PIK3C2G: variants seen among roughly 807,000 people sequenced by gnomAD.
PIK3C2G encodes the protein phosphatidylinositol 3-kinase C2 domain-containing subunit gamma.
PIK3C2G carries 168 observed loss-of-function variants against 181.1 expected under a neutral mutation model. The ratio of observed to expected loss-of-function variants is 0.93; its 90% CI spans 0.82 to 1.05. The LOEUF (loss-of-function observed/expected upper bound fraction) is 1.05. PIK3C2G is among the 50% of genes least tolerant of loss of function. The pLI, the probability that PIK3C2G is intolerant of heterozygous loss-of-function variation, is 0.00. For synonymous variants in PIK3C2G, 573 were observed against 592.2 expected (o/e 0.97, Z 0.47); for missense variants, 1,869 against 1,732.8 (o/e 1.08, Z -1.40).
chr12:18,271,166 C>T (rs1948731428), intron 1 of PIK3C2G, among the ~76,000 whole-genome samples: 1 of 152,080 alleles, frequency 6.6e-6, no homozygotes, highest in South Asian at 2.1e-4. Context: ...CTTTTCAACA[C>T]AGCATAAAAT....
intron 26 of PIK3C2G, among the ~76,000 whole-genome samples, chr12:18,551,728 C>T (rs988252119): frequency 2.0e-5 from 3 of 152,066 alleles, no homozygotes. Context: ...ATTAAAGGCT[C>T]TACATGGAGT....
chr12:18,342,650 G>A (rs1468885455), intron 9 of PIK3C2G, among the ~76,000 whole-genome samples: 1 of 151,714 alleles, frequency 6.6e-6, no homozygotes, highest in African/African-American at 2.4e-5. Context: ...TGATAGTTTA[G>A]TTACAACCAG....
the PIK3C2G span, among the ~76,000 whole-genome samples, chr12:18,716,443 T>TA: frequency 6.6e-6 from 1 of 152,202 alleles, no homozygotes; most frequent in African/African-American, 2.4e-5. Flanking sequence ...GCCAACCACT[T>TA]ACATGTGGAG....
chr12:18,362,493 AG>A (rs2137803088), intron 11 of PIK3C2G, among the ~76,000 whole-genome samples: 1 of 152,310 alleles, frequency 6.6e-6, no homozygotes, highest in East Asian at 1.9e-4. Flanking sequence ...CCTGGGATAC[AG>A]GAGCCTCTTA....
intron 30 of PIK3C2G, among the ~76,000 whole-genome samples, chr12:18,599,431 A>G (rs910941708): frequency 6.6e-6 from 1 of 150,762 alleles, no homozygotes; most frequent in Admixed American, 6.7e-5. Flanking sequence ...TCTCACTCAT[A>G]GGTGGGAATT....
chr12:18,706,341 ATATTTT>A, the PIK3C2G span, among the ~76,000 whole-genome samples: 1 of 152,218 alleles, frequency 6.6e-6, no homozygotes, highest in African/African-American at 2.4e-5. Context: ...GTAGCATGCT[ATATTTT>A]TATTGTTAAT....
At chr12:18,373,737 C>G (rs1293631798) in intron 13 of PIK3C2G, among the ~76,000 whole-genome samples, 1 of 151,994 alleles carries the variant, frequency 6.6e-6, no homozygotes, top group Non-Finnish European at 1.5e-5. Context: ...CCTGTAGTCC[C>G]AGCTACTCGG....
chr12:18,284,969 G>C (rs1056854468), intron 2 of PIK3C2G, among the ~76,000 whole-genome samples: 2 of 152,112 alleles, frequency 1.3e-5, no homozygotes, highest in Non-Finnish European at 1.5e-5. Context: ...AGAAATAATG[G>C]TCAGGAAATT....
chr12:18,270,284 C>A (rs1948693812), intron 1 of PIK3C2G, among the ~76,000 whole-genome samples: 1 of 151,992 alleles, frequency 6.6e-6, no homozygotes, highest in Admixed American at 6.6e-5. Flanking sequence ...TTATTAATAA[C>A]AAATTTGAGA....
At chr12:18,677,428 G>A in the PIK3C2G span, among the ~76,000 whole-genome samples, 1 of 152,096 alleles carries the variant, frequency 6.6e-6, no homozygotes, top group Non-Finnish European at 1.5e-5. Context: ...ATCTGAGCAT[G>A]CATCTGAATC....
intron 18 of PIK3C2G, among the ~76,000 whole-genome samples, chr12:18,465,948 C>A (rs2135955791): frequency 6.6e-6 from 1 of 151,142 alleles, no homozygotes; most frequent in East Asian, 1.9e-4. Flanking sequence ...TATTGTTATT[C>A]TACATACTTC....
At chr12:18,259,480 T>C (rs1053089145), upstream of PIK3C2G, among the ~76,000 whole-genome samples, 3 of 152,070 alleles carry the variant, frequency 2.0e-5, no homozygotes, top group African/African-American at 7.2e-5. Flanking sequence ...AGGACACTTG[T>C]AGAACTCATC....
chr12:18,265,060 T>C (rs764797152), intron 1 of PIK3C2G, among the ~76,000 whole-genome samples: 153 of 152,346 alleles, frequency 1.0e-3, no homozygotes, highest in Middle Eastern at 6.8e-3. Flanking sequence ...TCAGCTTGAT[T>C]ATTTCATGGT....
chr12:18,390,740 T>A (rs1325227241), intron 14 of PIK3C2G, among the ~76,000 whole-genome samples: 1 of 152,102 alleles, frequency 6.6e-6, no homozygotes, highest in Non-Finnish European at 1.5e-5. Context: ...TAATTACCAA[T>A]GTTAAATTTC....
At chr12:18,280,399 G>A (rs1268554797) in intron 1 of PIK3C2G, among the ~76,000 whole-genome samples, 1 of 151,992 alleles carries the variant, frequency 6.6e-6, no homozygotes, top group Non-Finnish European at 1.5e-5. Flanking sequence ...CATTCAGAAG[G>A]TTTCTTTGAA....
At chr12:18,275,796 A>C (rs1035774130) in intron 1 of PIK3C2G, among the ~76,000 whole-genome samples, 1 of 152,160 alleles carries the variant, frequency 6.6e-6, no homozygotes, top group African/African-American at 2.4e-5. Flanking sequence ...CCTCTTCTCA[A>C]ATCTGTCAGA....
intron 29 of PIK3C2G, among the ~76,000 whole-genome samples, chr12:18,593,978 AT>A (rs1258182681): frequency 5.3e-5 from 8 of 152,076 alleles, no homozygotes; most frequent in Non-Finnish European, 1.2e-4. Context: ...AATTCTAGTT[AT>A]AAATAATTTT....
rs1402745436 is a variant in PIK3C2G at position 18,642,129 on chromosome 12, C to A, written c.4308+1575C>A. ...CTTTTAGACCAGGCTTTCCTCCATT[C>A]ATTCTTTCTTTTATAGATGGTACCT... On this transcript the variant is annotated intron_variant, in intron 32 of 32. Coordinates refer to ENST00000538779, the MANE Select transcript of PIK3C2G (RefSeq NM_001288772.2). 2.0e-5 allele frequency among the ~76,000 whole-genome samples: 3 copies of A among 152,192 alleles called. No homozygotes were observed. In the East Asian group the frequency reaches 5.8e-4, roughly 29 times the overall value.
At chr12:18,292,303 A>G (rs953783479) in intron 4 of PIK3C2G, among the ~76,000 whole-genome samples, 5 of 147,734 alleles carry the variant, frequency 3.4e-5, no homozygotes, top group African/African-American at 1.3e-4. Context: ...AACAATTAGG[A>G]ATATATGAAA....
Sources: allele counts gnomAD v4.1 joint callset (sites outside exome capture counted in the v4.1 genomes callset), GRCh38; gene constraint gnomAD v4.1.1; transcripts MANE v1.5; gene names NCBI Gene and HGNC (gene_info 2026-07-23, HGNC 2026-07-21).